Variants in LHFPL6 observed in about 807,000 individuals in gnomAD.
The protein encoded by LHFPL6 is LHFPL tetraspan subfamily member 6.
A neutral mutation model predicts 20.6 loss-of-function variants in LHFPL6; 9 were observed. The ratio of observed to expected loss-of-function variants is 0.44; its 90% CI spans 0.26 to 0.76. LHFPL6 has a LOEUF of 0.76. Among genes scored for constraint, LHFPL6 ranks in the 30% least tolerant of loss-of-function variants. The pLI is 0.20. For missense variants in LHFPL6, 218 were observed against 253.5 expected (o/e 0.86, Z 0.95); for synonymous variants, 105 against 98.7 (o/e 1.06, Z -0.38).
chr13:39,460,058 CA>C (rs1566116408), intron 2 of LHFPL6, among the ~76,000 whole-genome samples: 1 of 101,820 alleles, frequency 9.8e-6, no homozygotes, highest in Non-Finnish European at 1.9e-5. Flanking sequence ...ACTTACCTTA[CA>C]AAATTTAATT....
intron 2 of LHFPL6, among the ~76,000 whole-genome samples, chr13:39,405,192 G>A (rs574581301): frequency 3.3e-5 from 5 of 151,084 alleles, no homozygotes; most frequent in East Asian, 3.9e-4. Flanking sequence ...GAGCATGGAC[G>A]GTCTAATTTA....
chr13:39,537,271 T>C (rs892391215), intron 2 of LHFPL6, among the ~76,000 whole-genome samples: 1 of 152,184 alleles, frequency 6.6e-6, no homozygotes, highest in Non-Finnish European at 1.5e-5. Flanking sequence ...TCCACGTGGC[T>C]TTATGGATGA....
intron 2 of LHFPL6, among the ~76,000 whole-genome samples, chr13:39,524,213 G>A (rs1870212706): frequency 6.6e-6 from 1 of 151,996 alleles, no homozygotes; most frequent in Admixed American, 6.6e-5. Context: ...TGTATTTTGA[G>A]AAAAAGCCAG....
chr13:39,472,325 G>A (rs1193530788), intron 2 of LHFPL6, among the ~76,000 whole-genome samples: 3 of 151,890 alleles, frequency 2.0e-5, no homozygotes, highest in African/African-American at 2.4e-5. Flanking sequence ...CTTACAAGTC[G>A]CACTTCCATT....
At chr13:39,448,712 C>T (rs956558101) in intron 2 of LHFPL6, among the ~76,000 whole-genome samples, 1 of 152,164 alleles carries the variant, frequency 6.6e-6, no homozygotes, top group African/African-American at 2.4e-5. Context: ...TAAATTCAGA[C>T]AGGTGAAATA....
chr13:39,390,046 C>CT (rs200600438), intron 2 of LHFPL6, among the ~76,000 whole-genome samples: 16 of 151,978 alleles, frequency 1.1e-4, no homozygotes, highest in Admixed American at 9.2e-4. Flanking sequence ...TTCTACTTAA[C>CT]TTTTTTTTAA....
intron 2 of LHFPL6, among the ~76,000 whole-genome samples, chr13:39,542,151 C>G (rs1232366967): frequency 6.9e-6 from 1 of 145,808 alleles, no homozygotes; most frequent in Middle Eastern, 3.3e-3. Context: ...ATGCATGGGA[C>G]AGGTTACCAA....
intron 3 of LHFPL6, among the ~76,000 whole-genome samples, chr13:39,352,968 C>T (rs1290439164): frequency 3.5e-5 from 3 of 85,944 alleles, no homozygotes; most frequent in African/African-American, 1.2e-4. Context: ...CATACACACA[C>T]ACACATATAT....
At chr13:39,500,732 C>T (rs1046363201) in intron 2 of LHFPL6, among the ~76,000 whole-genome samples, 7 of 152,132 alleles carry the variant, frequency 4.6e-5, no homozygotes, top group Admixed American at 2.6e-4. Flanking sequence ...ATGTATACTA[C>T]GCCTCTTGAT....
chr13:39,458,459 G>C (rs1248585153), intron 2 of LHFPL6, among the ~76,000 whole-genome samples: 1 of 152,134 alleles, frequency 6.6e-6, no homozygotes, highest in African/African-American at 2.4e-5. Flanking sequence ...CACTTTGGGA[G>C]GCTGAGGTGG....
At chr13:39,349,039 C>A (rs1412915831) in intron 3 of LHFPL6, among the ~76,000 whole-genome samples, 1 of 152,046 alleles carries the variant, frequency 6.6e-6, no homozygotes, top group Admixed American at 6.6e-5. Context: ...ACCAATCAGA[C>A]ATATATGCAA....
intron 2 of LHFPL6, among the ~76,000 whole-genome samples, chr13:39,552,119 T>G (rs149858514): frequency 6.6e-6 from 1 of 152,198 alleles, no homozygotes. Flanking sequence ...CTGTGCCAGA[T>G]AGCATTCCCT....
chr13:39,534,351 A>C (rs954311640), intron 2 of LHFPL6, among the ~76,000 whole-genome samples: 1 of 151,922 alleles, frequency 6.6e-6, no homozygotes, highest in Non-Finnish European at 1.5e-5. Context: ...GCCATTTTGC[A>C]TAGTACCTAG....
chr13:39,442,681 G>A (rs1233783069), intron 2 of LHFPL6, among the ~76,000 whole-genome samples: 1 of 152,202 alleles, frequency 6.6e-6, no homozygotes, highest in Non-Finnish European at 1.5e-5. Context: ...CAGAGGTTCT[G>A]TGGGCTCTGT....
At chr13:39,514,913 T>C (rs966549970) in intron 2 of LHFPL6, among the ~76,000 whole-genome samples, 6 of 152,190 alleles carry the variant, frequency 3.9e-5, no homozygotes, top group African/African-American at 1.4e-4. Flanking sequence ...ATGCCACATA[T>C]TGGAAAACAA....
chr13:39,376,316 A>T (rs573293101), intron 3 of LHFPL6, among the ~76,000 whole-genome samples: 1 of 152,348 alleles, frequency 6.6e-6, no homozygotes, highest in South Asian at 2.1e-4. Flanking sequence ...TTCCAAAAAA[A>T]AGCTGGCAGT....
At chr13:39,594,668 A>G (rs536894020) in intron 2 of LHFPL6, among the ~76,000 whole-genome samples, 2 of 152,316 alleles carry the variant, frequency 1.3e-5, no homozygotes, top group African/African-American at 4.8e-5. Context: ...ACATGCACAC[A>G]TATGTTTATC....
chr13:39,466,350 G>A lies in LHFPL6; in HGVS notation c.386-87824C>T, dbSNP rs191764933. On this transcript the variant is annotated intron_variant, in intron 2 of 3. Transcript: ENST00000379589. ...TCCCAATTTAGATTCACCTCCACTT[G>A]ACATCAGCATGAATTCAAGTTGAAA... is the stretch of plus-strand genomic sequence containing the variant. Among the ~76,000 whole-genome samples the A allele has an allele frequency of 2.9e-3, 436 of 152,310 alleles. 2 individuals are homozygous for A. Among genetic ancestry groups the A allele is most frequent in the Non-Finnish European group, 4.7e-3 (322 of 68,032 alleles).
At chr13:39,523,420 T>C (rs1870177366) in intron 2 of LHFPL6, among the ~76,000 whole-genome samples, 1 of 151,914 alleles carries the variant, frequency 6.6e-6, no homozygotes, top group African/African-American at 2.4e-5. Context: ...ATACAAAAAA[T>C]TAACCGGGCG....
Sources: allele counts gnomAD v4.1 joint callset (sites outside exome capture counted in the v4.1 genomes callset), GRCh38; gene constraint gnomAD v4.1.1; transcripts MANE v1.5; gene names NCBI Gene and HGNC (gene_info 2026-07-23, HGNC 2026-07-21).